PRKN: variants seen among roughly 807,000 people sequenced by gnomAD.
The protein encoded by PRKN is E3 ubiquitin-protein ligase parkin.
A neutral mutation model predicts 59.5 loss-of-function variants in PRKN; 56 were observed. That is an observed-to-expected ratio of 0.94 (90% CI 0.76 to 1.18). The LOEUF is 1.18. Among genes scored for constraint, PRKN ranks in the 50% most tolerant of loss-of-function variants. The pLI is 0.00. For missense variants in PRKN, 657 were observed against 596.4 expected, an observed-to-expected ratio of 1.10 and a Z score of -1.06; for synonymous variants, 250 against 222.1, an observed-to-expected ratio of 1.13 and a Z score of -1.12.
chr6:161,786,537 G>T (rs191950112), intron 6 of PRKN, among the ~76,000 whole-genome samples: 1 of 152,118 alleles, frequency 6.6e-6, no homozygotes, highest in African/African-American at 2.4e-5. Context: ...TGAAATAACA[G>T]ATTTTCAAAA....
chr6:162,339,297 G>A (rs1216866607), intron 2 of PRKN, among the ~76,000 whole-genome samples: 2 of 144,268 alleles, frequency 1.4e-5, no homozygotes, highest in Non-Finnish European at 3.1e-5. Context: ...AGGTGGGGGG[G>A]TCAGCCCCCC....
chr6:161,469,239 TC>T (rs1434072155), intron 9 of PRKN, among the ~76,000 whole-genome samples: 7 of 151,688 alleles, frequency 4.6e-5, no homozygotes, highest in Admixed American at 3.3e-4. Flanking sequence ...GTGAGTGAGT[TC>T]TCAGAAGATC....
rs1460414748 is a variant in PRKN, at chr6:161,444,906, T to C, written c.1084-58029A>G. Among the ~76,000 whole-genome samples, 1 of 152,030 alleles carries C rather than the reference T, an allele frequency of 6.6e-6. No individual in the cohort carries two copies. Among genetic ancestry groups the C allele is most frequent in the East Asian group, 2.0e-4 (1 of 5,098 alleles). On this transcript the variant is annotated intron_variant, in intron 9 of 11. Coordinates refer to ENST00000366898, the MANE Select transcript of PRKN (RefSeq NM_004562.3). The surrounding 1 kb of genome is among the most constrained non-coding windows in gnomAD (Gnocchi z 5.6). ...GCTAAGGTATGTAATAGTTATTTATTTTTAAAAAAAGCCAGTACCTCTCCA... is the reference window on the plus strand; with the variant it reads ...GCTAAGGTATGTAATAGTTATTTATCTTTAAAAAAAGCCAGTACCTCTCCA...
chr6:162,103,283 A>G (rs1780054945), intron 4 of PRKN, among the ~76,000 whole-genome samples: 3 of 152,120 alleles, frequency 2.0e-5, no homozygotes, highest in Middle Eastern at 3.2e-3. Flanking sequence ...TGAGGATGAA[A>G]TTCCATTTCA....
chr6:162,395,403 C>T (rs1252027452), intron 2 of PRKN, among the ~76,000 whole-genome samples: 2 of 152,192 alleles, frequency 1.3e-5, no homozygotes, highest in African/African-American at 2.4e-5. Flanking sequence ...CAACAGCCAG[C>T]ATCAATTTGC....
chr6:161,889,078 C>T (rs1795250029), intron 6 of PRKN, among the ~76,000 whole-genome samples: 1 of 151,806 alleles, frequency 6.6e-6, no homozygotes, highest in East Asian at 1.9e-4. Flanking sequence ...GATATATGAT[C>T]GGCAAGAAAA....
chr6:162,317,932 C>T (rs930056486), intron 2 of PRKN, among the ~76,000 whole-genome samples: 1 of 151,790 alleles, frequency 6.6e-6, no homozygotes, highest in African/African-American at 2.4e-5. Context: ...ATATAATCTA[C>T]CTTTTTAGTC....
In PRKN at chr6:162,461,230, G is replaced by C. The variant is rs186552813; in HGVS notation, c.8-17757C>G. Reference sequence around the variant, plus strand: ...AGAGAAAAAAAAGGAGGCTGGGTGTGGTGGCTCACGCCTGTAATCCCAGAA... The same window carrying C: ...AGAGAAAAAAAAGGAGGCTGGGTGTCGTGGCTCACGCCTGTAATCCCAGAA... On this transcript the variant is annotated intron_variant, in intron 1 of 11. Transcript: ENST00000366898. Among the ~76,000 whole-genome samples the C allele has an allele frequency of 3.2e-3, 479 of 149,256 alleles. 4 individuals are homozygous for C. Among genetic ancestry groups the C allele is most frequent in the Non-Finnish European group, 5.3e-3 (358 of 67,226 alleles).
intron 1 of PRKN, among the ~76,000 whole-genome samples, chr6:162,653,092 G>C (rs1778506990): frequency 6.6e-6 from 1 of 152,182 alleles, no homozygotes; most frequent in Admixed American, 6.5e-5. Context: ...AATTTTAAGT[G>C]AAGTCTTTGG....
chr6:162,311,315 G>T (rs1158952042), intron 2 of PRKN, among the ~76,000 whole-genome samples: 2 of 152,066 alleles, frequency 1.3e-5, no homozygotes, highest in African/African-American at 4.8e-5. Flanking sequence ...ATAATCATTA[G>T]CTCACAATGA....
intron 7 of PRKN, among the ~76,000 whole-genome samples, chr6:161,715,351 C>T (rs73783352): frequency 0.27 from 40,331 of 151,782 alleles, 9,826 homozygotes; most frequent in African/African-American, 0.66. Flanking sequence ...ATCTGAATTA[C>T]CTCTGAATAT....
chr6:162,147,870 T>A (rs1011235298), intron 4 of PRKN, among the ~76,000 whole-genome samples: 1 of 152,216 alleles, frequency 6.6e-6, no homozygotes, highest in Non-Finnish European at 1.5e-5. Flanking sequence ...GTAATTATAT[T>A]CTACTTGTCC....
At chr6:162,365,103 C>A (rs1384212119) in intron 2 of PRKN, among the ~76,000 whole-genome samples, 5 of 150,034 alleles carry the variant, frequency 3.3e-5, no homozygotes, top group African/African-American at 7.4e-5. Context: ...GTATTGTAAC[C>A]TTTGTATATT....
chr6:162,391,260 G>A (rs545637731), intron 2 of PRKN, among the ~76,000 whole-genome samples: 48 of 151,572 alleles, frequency 3.2e-4, no homozygotes, highest in African/African-American at 9.7e-4. Flanking sequence ...CATGCTTGAC[G>A]TGGATTTCGA....
intron 1 of PRKN, among the ~76,000 whole-genome samples, chr6:162,602,390 G>A (rs1781746909): frequency 6.6e-6 from 1 of 152,204 alleles, no homozygotes; most frequent in Non-Finnish European, 1.5e-5. Context: ...CATTGAAGGT[G>A]AGGGTAATGA....
At chr6:162,675,927 T>C (rs924149608) in intron 1 of PRKN, among the ~76,000 whole-genome samples, 2 of 152,152 alleles carry the variant, frequency 1.3e-5, no homozygotes, top group Non-Finnish European at 2.9e-5. Context: ...GATTACTAGG[T>C]TAGAAAGTCC....
chr6:162,016,918 A>G (rs1361927402), intron 5 of PRKN, among the ~76,000 whole-genome samples: 1 of 151,708 alleles, frequency 6.6e-6, no homozygotes, highest in African/African-American at 2.4e-5. Context: ...CAACACGCCA[A>G]CTCCACCTTC....
Position 161,378,722 on chromosome 6 carries a change from T to G in PRKN, c.1167+8072A>C, listed in dbSNP as rs1785837144. Among the ~76,000 whole-genome samples the G allele has an allele frequency of 1.3e-5, 2 of 152,224 alleles. No homozygotes were observed. Among genetic ancestry groups the G allele is most frequent in the African/African-American group, 4.8e-5 (2 of 41,456 alleles). On this transcript the variant is annotated intron_variant, in intron 10 of 11. Coordinates refer to ENST00000366898, the MANE Select transcript of PRKN (RefSeq NM_004562.3). This position sits in a 1 kb window ranked among gnomAD's most constrained non-coding sequence, Gnocchi z 7.3. Reference sequence around the variant, plus strand: ...CCTGATGAGACGGATGGACCAGGCTTGCACGATGCCGCTGGAGCTGCACTG... The same window carrying G: ...CCTGATGAGACGGATGGACCAGGCTGGCACGATGCCGCTGGAGCTGCACTG...
chr6:162,585,972 T>A (rs1459844483), intron 1 of PRKN, among the ~76,000 whole-genome samples: 1 of 152,170 alleles, frequency 6.6e-6, no homozygotes, highest in African/African-American at 2.4e-5. Flanking sequence ...CCCAAAGTGA[T>A]GGGATTACAG....
Sources: gnomAD v4.1 joint callset for allele counts (sites outside exome capture counted in the v4.1 genomes callset) on GRCh38, gnomAD v4.1.1 for gene constraint, Gnocchi (gnomAD v3.1) non-coding constraint, MANE v1.5 for transcripts, NCBI Gene and HGNC (gene_info 2026-07-23, HGNC 2026-07-21) for gene names.